LRRC4C: variants seen among roughly 807,000 people sequenced by gnomAD.
LRRC4C encodes the protein leucine-rich repeat-containing protein 4C.
In LRRC4C, 5 loss-of-function variants were observed where a neutral mutation model predicts 33.6. That is an observed-to-expected ratio of 0.15 (90% CI 0.08 to 0.31). The LOEUF (loss-of-function observed/expected upper bound fraction) is 0.31, where lower values mean the gene tolerates loss of function less well. Ranked by LOEUF, LRRC4C falls within the 10% of genes least tolerant of loss-of-function variation. The probability of loss-of-function intolerance (pLI) is 1.00; values close to 1 mark genes in which losing one functional copy is unlikely to be tolerated. For missense variants in LRRC4C, 560 were observed against 796.7 expected, an observed-to-expected ratio of 0.70 and a Z score of 3.58; for synonymous variants, 329 against 302.0, an observed-to-expected ratio of 1.09 and a Z score of -0.93.
At chr11:41,214,735 G>A (rs1044907978) in intron 1 of LRRC4C, among the ~76,000 whole-genome samples, 2 of 147,330 alleles carry the variant, frequency 1.4e-5, no homozygotes, top group East Asian at 3.9e-4. Flanking sequence ...GGGCGACAGA[G>A]CCAGACTCCA....
At chr11:41,126,027 C>A (rs1420335296) in intron 1 of LRRC4C, among the ~76,000 whole-genome samples, 1 of 151,290 alleles carries the variant, frequency 6.6e-6, no homozygotes, top group Non-Finnish European at 1.5e-5. Context: ...AGTAGAGAAA[C>A]TAAAAAAAAT....
intron 1 of LRRC4C, among the ~76,000 whole-genome samples, chr11:41,433,687 T>C (rs1026155375): frequency 1.3e-5 from 2 of 152,160 alleles, no homozygotes; most frequent in African/African-American, 4.8e-5. Flanking sequence ...AACATCGGAC[T>C]CGTTCTTCAG....
intron 1 of LRRC4C, among the ~76,000 whole-genome samples, chr11:40,978,799 T>C (rs1852286792): frequency 6.6e-6 from 1 of 151,786 alleles, no homozygotes. Flanking sequence ...TTTTTTTTTC[T>C]TTTTGTATTT....
chr11:40,434,513 GAC>G (rs1951065633), intron 3 of LRRC4C, among the ~76,000 whole-genome samples: 1 of 152,196 alleles, frequency 6.6e-6, no homozygotes, highest in East Asian at 1.9e-4. Flanking sequence ...GAAAGGCCTG[GAC>G]AGTCTTTCGG....
intron 2 of LRRC4C, among the ~76,000 whole-genome samples, chr11:40,784,669 A>C (rs764062164): frequency 1.3e-5 from 2 of 152,220 alleles, no homozygotes; most frequent in Non-Finnish European, 2.9e-5. Flanking sequence ...TTTTAAATAA[A>C]GTGAATTAAT....
chr11:41,326,449 AG>A (rs975724473), intron 1 of LRRC4C, among the ~76,000 whole-genome samples: 4 of 152,098 alleles, frequency 2.6e-5, no homozygotes, highest in African/African-American at 9.7e-5. Context: ...TGATCACGTG[AG>A]TCAATACTCC....
At chr11:41,347,310 T>C (rs1453478143) in intron 1 of LRRC4C, among the ~76,000 whole-genome samples, 1 of 152,172 alleles carries the variant, frequency 6.6e-6, no homozygotes, top group African/African-American at 2.4e-5. Context: ...TACTGAACTA[T>C]AGTGTTCATT....
chr11:40,586,519 T>C (rs1446381188), intron 3 of LRRC4C, among the ~76,000 whole-genome samples: 1 of 148,826 alleles, frequency 6.7e-6, no homozygotes, highest in African/African-American at 2.5e-5. Context: ...TTGCCATTGA[T>C]TTTGGTGTTT....
chr11:40,180,046 T>G (rs1860856519), intron 5 of LRRC4C, among the ~76,000 whole-genome samples: 2 of 152,166 alleles, frequency 1.3e-5, no homozygotes, highest in East Asian at 3.9e-4. Context: ...ACTAAATAAA[T>G]AGATAATTAC....
chr11:41,159,184 T>C (rs1242649819), intron 1 of LRRC4C, among the ~76,000 whole-genome samples: 1 of 152,046 alleles, frequency 6.6e-6, no homozygotes, highest in Admixed American at 6.6e-5. Context: ...TAGCTATTTG[T>C]GAGGCTAAAT....
intron 5 of LRRC4C, among the ~76,000 whole-genome samples, chr11:40,184,431 G>T (rs909363744): frequency 6.6e-6 from 1 of 152,136 alleles, no homozygotes; most frequent in Non-Finnish European, 1.5e-5. Flanking sequence ...AAGGGTTTGT[G>T]GTCAATATTT....
chr11:40,542,254 A>G (rs537007236), intron 3 of LRRC4C, among the ~76,000 whole-genome samples: 12 of 152,130 alleles, frequency 7.9e-5, no homozygotes, highest in Admixed American at 3.3e-4. Flanking sequence ...CACCCCAACT[A>G]CAAAAATAAA....
At chr11:41,429,158 G>T (rs1228792006) in intron 1 of LRRC4C, among the ~76,000 whole-genome samples, 1 of 152,044 alleles carries the variant, frequency 6.6e-6, no homozygotes, top group African/African-American at 2.4e-5. Context: ...AGGTATAAGG[G>T]GCTTTTCCCT....
At chr11:40,617,866 C>A (rs144776992) in intron 3 of LRRC4C, among the ~76,000 whole-genome samples, 14 of 151,704 alleles carry the variant, frequency 9.2e-5, no homozygotes, top group African/African-American at 3.4e-4. Flanking sequence ...GTTGACCTAC[C>A]TGGTTGACTA....
intron 3 of LRRC4C, among the ~76,000 whole-genome samples, chr11:40,396,239 T>C (rs12576626): frequency 6.6e-6 from 1 of 152,130 alleles, no homozygotes; most frequent in Non-Finnish European, 1.5e-5. Flanking sequence ...TTTTATTATT[T>C]TTTTTTCTTA....
chr11:40,504,615 G>C (rs548121171), intron 3 of LRRC4C, among the ~76,000 whole-genome samples: 1 of 152,242 alleles, frequency 6.6e-6, no homozygotes, highest in East Asian at 1.9e-4. Flanking sequence ...TAGCTTGGAG[G>C]AAGAAGATGT....
chr11:40,202,429 G>C (rs552055307), intron 5 of LRRC4C, among the ~76,000 whole-genome samples: 1 of 152,012 alleles, frequency 6.6e-6, no homozygotes, highest in African/African-American at 2.4e-5. Flanking sequence ...CAAGCAGGGA[G>C]AGGAAAGCTG....
chr11:41,077,643 C>T (rs1939255562), intron 1 of LRRC4C, among the ~76,000 whole-genome samples: 1 of 152,138 alleles, frequency 6.6e-6, no homozygotes, highest in Non-Finnish European at 1.5e-5. Context: ...ACCTGGGGGC[C>T]TATGAAGGGA....
chr11:40,158,798 C>T (rs1418541274), intron 5 of LRRC4C, among the ~76,000 whole-genome samples: 2 of 152,018 alleles, frequency 1.3e-5, no homozygotes, highest in East Asian at 3.9e-4. Context: ...TGATTCTAGT[C>T]TTATGTTGGG....
Sources: gnomAD v4.1 joint callset for allele counts (sites outside exome capture counted in the v4.1 genomes callset) on GRCh38, gnomAD v4.1.1 for gene constraint, MANE v1.5 for transcripts, NCBI Gene and HGNC (gene_info 2026-07-23, HGNC 2026-07-21) for gene names.